The following RORA variants were observed in gnomAD, a reference collection of about 807,000 sequenced individuals.
RORA encodes nuclear receptor ROR-alpha.
RORA carries 7 observed loss-of-function variants against 69.5 expected under a neutral mutation model. The ratio of observed to expected loss-of-function variants is 0.10; its 90% CI spans 0.06 to 0.19. The LOEUF is 0.19. Ranked by LOEUF, RORA falls within the 10% of genes least tolerant of loss-of-function variation. The pLI is 1.00. For synonymous variants in RORA, 261 were observed against 240.8 expected (o/e 1.08, Z -0.78); for missense variants, 457 against 663.0 (o/e 0.69, Z 3.41).
chr15:61,203,022 T>C (rs2079909287), intron 1 of RORA, among the ~76,000 whole-genome samples: 1 of 152,094 alleles, frequency 6.6e-6, no homozygotes, highest in African/African-American at 2.4e-5. Context: ...ATAACAGAAA[T>C]TAGTATACCT....
intron 2 of RORA, among the ~76,000 whole-genome samples, chr15:60,631,121 C>T (rs578199098): frequency 6.6e-6 from 1 of 152,206 alleles, no homozygotes; most frequent in Admixed American, 6.5e-5. Flanking sequence ...ATCTCCTGAC[C>T]TCAGGTGATC....
chr15:60,876,536 C>T (rs1350919209), intron 1 of RORA, among the ~76,000 whole-genome samples: 3 of 152,154 alleles, frequency 2.0e-5, no homozygotes, highest in East Asian at 1.9e-4. Context: ...TTAAAACCTT[C>T]GTTATCACAT....
chr15:60,924,244 C>T (rs979132903), intron 1 of RORA, among the ~76,000 whole-genome samples: 38 of 151,314 alleles, frequency 2.5e-4, no homozygotes, highest in African/African-American at 8.7e-4. Context: ...GCTGGGAGAA[C>T]GGAAGGAAGG....
intron 1 of RORA, among the ~76,000 whole-genome samples, chr15:61,135,592 A>AAC (rs1264088379): frequency 9.9e-5 from 15 of 150,916 alleles, no homozygotes; most frequent in Non-Finnish European, 2.2e-4. Flanking sequence ...AAAAAAAAAA[A>AAC]AAAAAACCAC....
chr15:60,697,170 T>G (rs1279533476), intron 1 of RORA, among the ~76,000 whole-genome samples: 1 of 152,238 alleles, frequency 6.6e-6, no homozygotes, highest in Non-Finnish European at 1.5e-5. Context: ...TAAGCTTTCA[T>G]GAACTAAAAG....
chr15:60,615,031 TCAGGGAAAACAGAACAGC>T (rs928749185), intron 2 of RORA: 1 of 1,611,736 alleles, frequency 6.2e-7, no homozygotes, highest in Non-Finnish European at 8.5e-7. Context: ...TGAAGAGCTG[TCAGGGAAAACAGAACAGC>T]GTCAACCCAC....
intron 2 of RORA, among the ~76,000 whole-genome samples, chr15:60,592,115 G>A (rs900431634): frequency 1.3e-5 from 2 of 151,924 alleles, no homozygotes; most frequent in Non-Finnish European, 2.9e-5. Flanking sequence ...CCGGTGCCAA[G>A]CGGACCCAAG....
intron 1 of RORA, among the ~76,000 whole-genome samples, chr15:60,817,449 C>T (rs2140374189): frequency 6.6e-6 from 1 of 152,300 alleles, no homozygotes; most frequent in African/African-American, 2.4e-5. Flanking sequence ...TAAAAATATG[C>T]AGTATCTGTA....
chr15:60,642,293 C>G (rs2069958292), intron 2 of RORA, among the ~76,000 whole-genome samples: 1 of 152,026 alleles, frequency 6.6e-6, no homozygotes, highest in Admixed American at 6.5e-5. Context: ...TGGTAGAGAC[C>G]TGATAGTTGT....
chr15:60,650,888 T>C (rs1043730881), intron 2 of RORA, among the ~76,000 whole-genome samples: 16 of 152,158 alleles, frequency 1.1e-4, no homozygotes, highest in African/African-American at 3.6e-4. Flanking sequence ...AATCCCCTTT[T>C]GATGGATTAG....
intron 1 of RORA, among the ~76,000 whole-genome samples, chr15:60,808,757 CAT>C (rs2140364873): frequency 6.7e-6 from 1 of 150,238 alleles, no homozygotes; most frequent in South Asian, 2.1e-4. Context: ...ACATTATAAA[CAT>C]ATATACAAAT....
intron 1 of RORA, among the ~76,000 whole-genome samples, chr15:61,007,105 T>G (rs1894933730): frequency 6.6e-6 from 1 of 152,080 alleles, no homozygotes; most frequent in Non-Finnish European, 1.5e-5. Flanking sequence ...GCAAATCTAT[T>G]ATAACTGCCT....
intron 1 of RORA, among the ~76,000 whole-genome samples, chr15:60,841,695 C>A (rs2073200546): frequency 6.6e-6 from 1 of 152,220 alleles, no homozygotes; most frequent in African/African-American, 2.4e-5. Context: ...CAACACCCCT[C>A]CACACACCTG....
At chr15:60,707,875 T>C (rs945768632) in intron 1 of RORA, among the ~76,000 whole-genome samples, 1 of 152,246 alleles carries the variant, frequency 6.6e-6, no homozygotes, top group African/African-American at 2.4e-5. Context: ...TCTCCCCTTA[T>C]TTAATACTGG....
chr15:61,144,971 C>T (rs960629218), intron 1 of RORA, among the ~76,000 whole-genome samples: 2 of 151,978 alleles, frequency 1.3e-5, no homozygotes, highest in Admixed American at 1.3e-4. Context: ...TATTAATGGT[C>T]AAAAAGGAAA....
chr15:60,832,050 CA>C (rs1224764385), intron 1 of RORA, among the ~76,000 whole-genome samples: 1 of 152,138 alleles, frequency 6.6e-6, no homozygotes, highest in Admixed American at 6.5e-5. Context: ...TCTCGACCAA[CA>C]AAAAAATTTG....
rs116443320 is a variant in RORA at position 61,016,152 on chromosome 15, T to G, written c.166+212901A>C. ...CATTAGTACCACAATGTAGAGTGAG[T>G]TATTTAACCTCTCTACATCTCAGTC... On this transcript the variant is annotated intron_variant, in intron 1 of 10. Transcript: ENST00000335670. 4.1e-3 allele frequency among the ~76,000 whole-genome samples: 625 copies of G among 152,214 alleles called. 8 individuals carry two copies. The highest frequency in any genetic ancestry group is 0.015 in the African/African-American group (610 of 41,542).
chr15:60,509,349 A>C (rs1379249838), intron 5 of RORA, among the ~76,000 whole-genome samples: 1 of 152,170 alleles, frequency 6.6e-6, no homozygotes, highest in Non-Finnish European at 1.5e-5. Flanking sequence ...AAATACCACA[A>C]CACCTGTGAA....
intron 1 of RORA, among the ~76,000 whole-genome samples, chr15:61,022,558 G>A (rs1390839438): frequency 6.6e-6 from 1 of 152,100 alleles, no homozygotes; most frequent in Non-Finnish European, 1.5e-5. Flanking sequence ...ACATTCTGTT[G>A]ATGCAAAATC....
Sources: gnomAD v4.1 joint callset for allele counts (sites outside exome capture counted in the v4.1 genomes callset) on GRCh38, gnomAD v4.1.1 for gene constraint, MANE v1.5 for transcripts, NCBI Gene and HGNC (gene_info 2026-07-23, HGNC 2026-07-21) for gene names.